Variants in SLIT3 observed in about 807,000 individuals in gnomAD.
The protein encoded by SLIT3 is slit guidance ligand 3.
In SLIT3, 68 loss-of-function variants were observed where a neutral mutation model predicts 184.0. That is an observed-to-expected ratio of 0.37 (90% CI 0.30 to 0.45). SLIT3 has a LOEUF of 0.45. SLIT3 is among the 20% of genes least tolerant of loss of function. SLIT3 has a pLI of 1.00. For missense variants in SLIT3, 1,707 were observed against 2,026.0 expected (o/e 0.84, Z 3.02); for synonymous variants, 831 against 828.6 (o/e 1.00, Z -0.05).
At chr5:168,979,149 C>T (rs1257377331) in intron 4 of SLIT3, among the ~76,000 whole-genome samples, 3 of 152,206 alleles carry the variant, frequency 2.0e-5, no homozygotes, top group Non-Finnish European at 4.4e-5. Context: ...CCTCTTTCCG[C>T]ACAGCCCCAA....
chr5:169,238,672 C>A (rs1765286120), intron 3 of SLIT3, among the ~76,000 whole-genome samples: 1 of 150,704 alleles, frequency 6.6e-6, no homozygotes, highest in South Asian at 2.1e-4. Context: ...TTATACTTCT[C>A]AAGGAGTTCT....
Position 168,884,488 on chromosome 5 carries a change from A to G in SLIT3, c.414-1152T>C, listed in dbSNP as rs1296485872. ...TATTTTTTAAAAGAACACCCGAAAA[A>G]CCCTCAAATATTAAGGTAAAAAAAA... On this transcript the variant is annotated intron_variant, in intron 4 of 35. Transcript: ENST00000519560. Among the ~76,000 whole-genome samples the G allele has an allele frequency of 5.0e-5, 5 of 100,224 alleles. 1 individual carries two copies. The highest frequency in any genetic ancestry group is 1.1e-4 in the Non-Finnish European group (5 of 46,666). 65.8% of individuals were successfully genotyped at this position (100,224 alleles called of 152,430 possible). A position where few individuals can be genotyped will look rare whatever the true frequency, so the allele number is the denominator to read the frequency against.
chr5:168,749,384 T>C (rs937260743), intron 19 of SLIT3, 88 bp downstream of exon 19: 3 of 1,478,058 alleles, frequency 2.0e-6, no homozygotes, highest in South Asian at 2.5e-5. Context: ...TGGAATTGGA[T>C]CTCAGGGAGT....
chr5:169,147,985 A>G (rs1292821440), intron 4 of SLIT3, among the ~76,000 whole-genome samples: 1 of 152,136 alleles, frequency 6.6e-6, no homozygotes, highest in African/African-American at 2.4e-5. Flanking sequence ...TTCTTAGAGA[A>G]AGATTCCAAG....
intron 1 of SLIT3, among the ~76,000 whole-genome samples, chr5:169,253,518 T>C (rs1025575660): frequency 6.6e-5 from 10 of 152,158 alleles, no homozygotes; most frequent in African/African-American, 4.8e-5. Context: ...AGTGATCTAA[T>C]GGCAGTGCAC....
At chr5:169,243,343 T>C (rs138565795) in intron 3 of SLIT3, among the ~76,000 whole-genome samples, 1 of 152,346 alleles carries the variant, frequency 6.6e-6, no homozygotes, top group Non-Finnish European at 1.5e-5. Context: ...GTTCAACAAA[T>C]ACTTTTATGT....
At chr5:168,909,493 T>G (rs1581201608) in intron 4 of SLIT3, among the ~76,000 whole-genome samples, 1 of 152,328 alleles carries the variant, frequency 6.6e-6, no homozygotes, top group Admixed American at 6.5e-5. Context: ...GGAGTCCCTG[T>G]TGCCTCCTAA....
intron 4 of SLIT3, among the ~76,000 whole-genome samples, chr5:169,002,322 C>CAAAAAAAAAAAAAAAAAAAAAAAAAAAA (rs397999882): frequency 1.7e-4 from 4 of 24,200 alleles, no homozygotes; most frequent in Admixed American, 9.2e-4. Context: ...GACTCTGTCT[C>CAAAAAAAAAAAAAAAAAAAAAAAAAAAA]AAAAAAAAAA....
rs1038646042 is a variant in SLIT3 at position 168,708,030 on chromosome 5, T to C, written c.2790A>G (p.Thr930=). The change falls in exon 26 of 36, where the codon ACA becomes ACG. Residue 930 remains threonine (T), a synonymous_variant. Coordinates refer to ENST00000519560, the MANE Select transcript of SLIT3 (RefSeq NM_003062.4). ...CLSSPCKNNG[T]CTQDPVELYR... The stretch of plus-strand genomic sequence containing the variant: ...ACAGCTCCACAGGGTCCTGGGTGCA[T>C]GTCCCGTTATTCTTGCACGGGCTGG... The C allele has an allele frequency of 6.2e-7, 1 of 1,614,198 alleles. No homozygotes were observed. Among genetic ancestry groups the C allele is most frequent in the Non-Finnish European group, 8.5e-7 (1 of 1,180,026 alleles).
chr5:168,926,298 C>G (rs112225126), intron 4 of SLIT3, among the ~76,000 whole-genome samples: 24 of 151,974 alleles, frequency 1.6e-4, no homozygotes, highest in Admixed American at 1.6e-3. Context: ...AGGACGGATG[C>G]GTCTGTCTAT....
chr5:168,826,445 T>C (rs1161993908), intron 6 of SLIT3, among the ~76,000 whole-genome samples: 1 of 152,222 alleles, frequency 6.6e-6, no homozygotes, highest in Non-Finnish European at 1.5e-5. Flanking sequence ...TTCTATTTGC[T>C]TCTTGTGCCG....
intron 4 of SLIT3, among the ~76,000 whole-genome samples, chr5:169,104,914 C>A: frequency 6.6e-6 from 1 of 152,148 alleles, no homozygotes; most frequent in East Asian, 1.9e-4. Context: ...CCCTTCTTTC[C>A]AGGGTATGGC....
At chr5:168,970,094 T>C (rs1233240591) in intron 4 of SLIT3, among the ~76,000 whole-genome samples, 4 of 151,990 alleles carry the variant, frequency 2.6e-5, no homozygotes, top group Admixed American at 1.3e-4. Context: ...GGCAGGAGAA[T>C]AGTGTGAACC....
intron 7 of SLIT3, among the ~76,000 whole-genome samples, chr5:168,822,415 G>A (rs1251657123): frequency 6.6e-6 from 1 of 152,304 alleles, no homozygotes; most frequent in East Asian, 1.9e-4. Context: ...GGCCCTAAAT[G>A]TTTTTGGCTG....
intron 4 of SLIT3, among the ~76,000 whole-genome samples, chr5:169,105,341 A>G: frequency 6.6e-6 from 1 of 152,236 alleles, no homozygotes. Flanking sequence ...ACATGCTTGC[A>G]CAGATCGAGG....
intron 3 of SLIT3, among the ~76,000 whole-genome samples, chr5:169,203,761 C>A (rs1763978580): frequency 6.6e-6 from 1 of 151,722 alleles, no homozygotes; most frequent in Admixed American, 6.6e-5. Flanking sequence ...GGATTGGAGG[C>A]AAGGCAAGAG....
At chr5:168,699,169 C>T (rs1288553867) in intron 27 of SLIT3, among the ~76,000 whole-genome samples, 1 of 152,242 alleles carries the variant, frequency 6.6e-6, no homozygotes, top group Admixed American at 6.5e-5. Flanking sequence ...GGAAAAGGAA[C>T]TCTGCCTTGA....
At position 168,806,889 on chromosome 5, in the gene SLIT3, C is replaced by T. The variant is rs13179164; in HGVS notation, c.794-302G>A. Among the ~76,000 whole-genome samples the T allele has an allele frequency of 0.13, 20,282 of 152,064 alleles. 1,662 individuals are homozygous for T. Among genetic ancestry groups the T allele is most frequent in the East Asian group, 0.29 (1,488 of 5,150 alleles). On this transcript the variant is annotated intron_variant, in intron 8 of 35. Transcript: ENST00000519560. The stretch of plus-strand genomic sequence containing the variant: ...TCAGTCACACATGAAAATATGCTGC[C>T]AGAATCCAAAGAGCATATGATGGGA...
At chr5:168,823,598 G>A (rs193096329) in intron 6 of SLIT3, among the ~76,000 whole-genome samples, 1 of 152,126 alleles carries the variant, frequency 6.6e-6, no homozygotes, top group Non-Finnish European at 1.5e-5. Context: ...ATCGCTTCCT[G>A]AAACCCTCCT....
Sources: gnomAD v4.1 joint callset for allele counts (sites outside exome capture counted in the v4.1 genomes callset) on GRCh38, gnomAD v4.1.1 for gene constraint, MANE v1.5 for transcripts, NCBI Gene and HGNC (gene_info 2026-07-23, HGNC 2026-07-21) for gene names.